Variants in PDZD2 observed in about 807,000 individuals in gnomAD.
PDZD2 encodes PDZ domain containing 2, also known as PDZ domain-containing protein 2.
A neutral mutation model predicts 220.7 loss-of-function variants in PDZD2; 90 were observed. That is an observed-to-expected ratio of 0.41 (90% CI 0.34 to 0.49). The LOEUF (loss-of-function observed/expected upper bound fraction) is 0.49, where lower values mean the gene tolerates loss of function less well. Ranked by LOEUF, PDZD2 falls within the 20% of genes least tolerant of loss-of-function variation. PDZD2 has a pLI of 0.28. For missense variants in PDZD2, 3,174 were observed against 3,608.5 expected (o/e 0.88, Z 3.08); for synonymous variants, 1,375 against 1,450.5 (o/e 0.95, Z 1.18).
chr5:31,746,526 A>C (rs996762753), intron 1 of PDZD2, among the ~76,000 whole-genome samples: 1 of 152,180 alleles, frequency 6.6e-6, no homozygotes, highest in African/African-American at 2.4e-5. Context: ...CCTGGCAAAA[A>C]TATGTTACAA....
chr5:31,956,336 GTTTT>G lies in PDZD2; in HGVS notation c.477-26806_477-26803del, dbSNP rs71598912. ...ACAGAAAAGATCAATGAAACTAAGA[GTTTT>G]TTTTTTTTTTTTGAAAAGATAAAGT... On this transcript the variant is annotated intron_variant, in intron 2 of 24. Transcript: ENST00000438447. 3.7e-5 allele frequency among the ~76,000 whole-genome samples: 5 copies of G among 133,494 alleles called. No individual in the cohort carries two copies. The South Asian group carries it at 1.2e-3, about 33-fold the overall frequency. The allele number at this position is 133,494 out of a possible 152,430, so 87.6% of individuals were successfully genotyped here.
intron 1 of PDZD2, among the ~76,000 whole-genome samples, chr5:31,729,099 C>CTTTTTTT (rs10650811): frequency 1.6e-5 from 2 of 123,648 alleles, no homozygotes; most frequent in African/African-American, 3.1e-5. Flanking sequence ...TGATCGAAAT[C>CTTTTTTT]TTTTTTTTTT....
chr5:32,088,487 C>T lies in PDZD2; in HGVS notation c.5039C>T (p.Ala1680Val), dbSNP rs200564667. The change falls in exon 20 of 25, where the codon GCG becomes GTG. Residue 1680 changes from alanine (A) to valine (V), a missense_variant. By Grantham distance (64) the Ala-to-Val change is moderately conservative (BLOSUM62 0). Coordinates refer to ENST00000438447, the MANE Select transcript of PDZD2 (RefSeq NM_178140.4). This position sits in a 1 kb window ranked among gnomAD's most constrained non-coding sequence, Gnocchi z 4.6. Reference protein sequence around the residue: ...EMSSQEHETHADISTSQNHRP... With the variant: ...EMSSQEHETHVDISTSQNHRP... ...AGCTCTCAGGAGCATGAAACTCATG[C>T]GGACATAAGCACTTCACAGAACCAC... The T allele has an allele frequency of 6.2e-6, 10 of 1,614,066 alleles. No individual in the cohort carries two copies. The highest frequency in any genetic ancestry group is 4.4e-5 in the South Asian group (4 of 91,086).
intron 1 of PDZD2, among the ~76,000 whole-genome samples, chr5:31,705,203 CACACACATA>C (rs745696632): frequency 1.8e-5 from 1 of 56,196 alleles, no homozygotes; most frequent in East Asian, 8.4e-4. Flanking sequence ...CACACACACA[CACACACATA>C]CACACTCACA....
intron 2 of PDZD2, among the ~76,000 whole-genome samples, chr5:31,965,434 G>T (rs995876936): frequency 6.6e-6 from 1 of 152,180 alleles, no homozygotes; most frequent in Non-Finnish European, 1.5e-5. Context: ...TTCTACACAC[G>T]GGGGGATATG....
chr5:32,019,020 T>G (rs957120008), intron 6 of PDZD2, among the ~76,000 whole-genome samples: 3 of 152,174 alleles, frequency 2.0e-5, no homozygotes, highest in Admixed American at 6.5e-5. Flanking sequence ...TGCTGAAGTT[T>G]GAATCCTGTG....
rs188971813 is a variant in PDZD2, at chr5:31,809,870, C to T, written c.476+10146C>T. Reference sequence around the variant, plus strand: ...ATCCAGAGATGCTCTTTAATTTTATCCCAGTGACCTGCTCCTCCTCTGGTA... The same window carrying T: ...ATCCAGAGATGCTCTTTAATTTTATTCCAGTGACCTGCTCCTCCTCTGGTA... On this transcript the variant is annotated intron_variant, in intron 2 of 24. Transcript: ENST00000438447. Among the ~76,000 whole-genome samples the T allele has an allele frequency of 4.6e-3, 694 of 152,282 alleles. 1 individual carries two copies. Among genetic ancestry groups the T allele is most frequent in the Non-Finnish European group, 7.4e-3 (505 of 68,024 alleles).
chr5:31,849,986 A>AAG (rs1757892746), intron 2 of PDZD2, among the ~76,000 whole-genome samples: 3 of 48,012 alleles, frequency 6.2e-5, no homozygotes, highest in African/African-American at 3.5e-4. Context: ...ATACATATAT[A>AAG]TATATACACA....
rs1366965796 is a variant in PDZD2 at position 32,000,739 on chromosome 5, ACCTCAGGTGATGCACCTG to A, written c.1254+475_1254+492del. ...TGGTCAGGCTGGTCTCAAACTCCTG[ACCTCAGGTGATGCACCTG>A]CCTCAGCTTCCCAAAGTGCTGGGAT... is the stretch of plus-strand genomic sequence containing the variant. On this transcript the variant is annotated intron_variant, in intron 5 of 24. Transcript: ENST00000438447. The surrounding 1 kb of genome is among the most constrained non-coding windows in gnomAD (Gnocchi z 4.5). Among the ~76,000 whole-genome samples the A allele has an allele frequency of 6.6e-6, 1 of 152,090 alleles. No individual in the cohort carries two copies. The highest frequency in any genetic ancestry group is 1.5e-5 in the Non-Finnish European group (1 of 68,010).
At chr5:31,917,240 T>G (rs1743768936) in intron 2 of PDZD2, among the ~76,000 whole-genome samples, 1 of 152,132 alleles carries the variant, frequency 6.6e-6, no homozygotes, top group African/African-American at 2.4e-5. Context: ...CAAGGAGAGT[T>G]AAGAAGGAAA....
intron 2 of PDZD2, chr5:31,908,529 C>T (rs943685481): frequency 3.7e-6 from 4 of 1,077,670 alleles, no homozygotes; most frequent in East Asian, 3.1e-5. Context: ...GCCCCGAGGG[C>T]GAGGGCACGG....
At chr5:31,640,775 C>T (rs1233782802) in intron 1 of PDZD2, among the ~76,000 whole-genome samples, 1 of 151,914 alleles carries the variant, frequency 6.6e-6, no homozygotes, top group African/African-American at 2.4e-5. Context: ...GTGGTTCTGG[C>T]TTCATGAATT....
At chr5:31,679,661 C>T (rs541279411) in intron 1 of PDZD2, among the ~76,000 whole-genome samples, 1 of 152,284 alleles carries the variant, frequency 6.6e-6, no homozygotes, top group East Asian at 1.9e-4. Context: ...ATGTGCACCA[C>T]CACGCCCGGC....
At chr5:31,640,879 G>T (rs1179249591) in intron 1 of PDZD2, among the ~76,000 whole-genome samples, 3 of 151,184 alleles carry the variant, frequency 2.0e-5, no homozygotes, top group Non-Finnish European at 4.4e-5. Flanking sequence ...TTAGGTGTAG[G>T]AGTAGGGGGG....
chr5:31,785,188 T>A (rs1753308012), intron 1 of PDZD2, among the ~76,000 whole-genome samples: 1 of 152,010 alleles, frequency 6.6e-6, no homozygotes, highest in South Asian at 2.1e-4. Flanking sequence ...GAATGAGCTT[T>A]CTTGCTGGTA....
intron 1 of PDZD2, among the ~76,000 whole-genome samples, chr5:31,764,685 C>T (rs552402938): frequency 1.3e-5 from 2 of 152,306 alleles, no homozygotes; most frequent in South Asian, 2.1e-4. Context: ...TCTGGGTCTT[C>T]CTCCTCTTCC....
At chr5:31,841,066 C>A (rs1757270963) in intron 2 of PDZD2, 3 of 267,166 alleles carry the variant, frequency 1.1e-5, no homozygotes, top group African/African-American at 4.5e-5. Context: ...AAAGGAAAAA[C>A]ATTTAAATTA....
intron 2 of PDZD2, among the ~76,000 whole-genome samples, chr5:31,869,033 A>G (rs1403561993): frequency 6.6e-6 from 1 of 152,100 alleles, no homozygotes; most frequent in Non-Finnish European, 1.5e-5. Flanking sequence ...TCGGCCTCCC[A>G]AAGTTCTGGG....
intron 2 of PDZD2, among the ~76,000 whole-genome samples, chr5:31,874,271 A>G (rs9292446): frequency 0.48 from 73,475 of 152,000 alleles, 18,062 homozygotes; most frequent in African/African-American, 0.56. Context: ...TGACCAAACA[A>G]CTTGGGCACT....
Sources: gnomAD v4.1 joint callset for allele counts (sites outside exome capture counted in the v4.1 genomes callset) on GRCh38, gnomAD v4.1.1 for gene constraint, Gnocchi (gnomAD v3.1) non-coding constraint, MANE v1.5 for transcripts, NCBI Gene and HGNC (gene_info 2026-07-23, HGNC 2026-07-21) for gene names.